Variants in BACH2 observed in about 807,000 individuals in gnomAD.
BACH2 encodes the protein BACH transcriptional regulator 2.
In BACH2, 5 loss-of-function variants were observed where a neutral mutation model predicts 61.8. That is an observed-to-expected ratio of 0.08 (90% confidence interval 0.04 to 0.17). The LOEUF (loss-of-function observed/expected upper bound fraction) is 0.17. BACH2 is among the 10% of genes least tolerant of loss of function. The pLI is 1.00. For missense variants in BACH2, 824 were observed against 1,091.1 expected, an observed-to-expected ratio of 0.76 and a Z score of 3.45; for synonymous variants, 446 against 440.1, an observed-to-expected ratio of 1.01 and a Z score of -0.17.
At chr6:90,206,151 G>C (rs1196030783) in intron 4 of BACH2, among the ~76,000 whole-genome samples, 1 of 152,126 alleles carries the variant, frequency 6.6e-6, no homozygotes, top group African/African-American at 2.4e-5. Context: ...AATCCTATCA[G>C]GTAGGTATCA....
chr6:90,053,463 G>A (rs1780157054), intron 5 of BACH2, among the ~76,000 whole-genome samples: 1 of 151,952 alleles, frequency 6.6e-6, no homozygotes, highest in Non-Finnish European at 1.5e-5. Flanking sequence ...ATTTATTTTT[G>A]TAGAGCTAGG....
intron 4 of BACH2, among the ~76,000 whole-genome samples, chr6:90,098,251 A>T (rs533962319): frequency 6.7e-6 from 1 of 150,150 alleles, no homozygotes; most frequent in East Asian, 2.1e-4. Flanking sequence ...CAGCTCCACA[A>T]TATATTTAGC....
intron 1 of BACH2, among the ~76,000 whole-genome samples, chr6:90,283,984 G>A (rs1771939285): frequency 6.6e-6 from 1 of 151,856 alleles, no homozygotes; most frequent in Non-Finnish European, 1.5e-5. Flanking sequence ...TCCAGCTTGG[G>A]TGACAGGACA....
chr6:90,116,996 G>T, intron 4 of BACH2: 1 of 366,276 alleles, frequency 2.7e-6, no homozygotes, highest in Non-Finnish European at 5.4e-6. Context: ...TCTTTCTCTG[G>T]CACAGATGAA....
At chr6:90,106,403 T>C (rs1782914702) in intron 4 of BACH2, among the ~76,000 whole-genome samples, 1 of 152,242 alleles carries the variant, frequency 6.6e-6, no homozygotes, top group African/African-American at 2.4e-5. Context: ...ACCTTTTCTA[T>C]GTTTAGATAC....
At chr6:89,949,293 A>G (rs932472735) in intron 7 of BACH2, among the ~76,000 whole-genome samples, 1 of 152,164 alleles carries the variant, frequency 6.6e-6, no homozygotes, top group African/African-American at 2.4e-5. Flanking sequence ...GGTTTGTTCA[A>G]TCCCGCTCCT....
intron 4 of BACH2, among the ~76,000 whole-genome samples, chr6:90,145,867 T>A (rs767513180): frequency 1.3e-5 from 2 of 152,180 alleles, no homozygotes; most frequent in Non-Finnish European, 2.9e-5. Context: ...AGAAGGCAGC[T>A]GGGGAGAAAC....
chr6:90,080,840 C>G, intron 5 of BACH2: 1 of 912,704 alleles, frequency 1.1e-6, no homozygotes, highest in Non-Finnish European at 1.3e-6. Flanking sequence ...AGAGCTAACA[C>G]CGTCTTCATG....
intron 5 of BACH2, among the ~76,000 whole-genome samples, chr6:90,041,741 T>C (rs1239877946): frequency 2.0e-5 from 3 of 152,158 alleles, no homozygotes; most frequent in African/African-American, 7.2e-5. Flanking sequence ...ATTTACCTTA[T>C]TTTTATTATT....
chr6:90,236,770 G>A (rs1582517965), intron 3 of BACH2, among the ~76,000 whole-genome samples: 1 of 152,226 alleles, frequency 6.6e-6, no homozygotes, highest in East Asian at 1.9e-4. Context: ...TCTTACTTTA[G>A]CTCACTGTAT....
At chr6:90,220,147 A>G (rs760006436) in intron 3 of BACH2, among the ~76,000 whole-genome samples, 4 of 152,144 alleles carry the variant, frequency 2.6e-5, no homozygotes, top group Non-Finnish European at 5.9e-5. Flanking sequence ...TTTTTTCACA[A>G]TGTTTCCAAA....
intron 6 of BACH2, among the ~76,000 whole-genome samples, chr6:90,006,525 T>C (rs986310239): frequency 2.0e-5 from 3 of 152,230 alleles, no homozygotes; most frequent in Non-Finnish European, 4.4e-5. Context: ...ACCTACTTGC[T>C]AGTGGTATGT....
At chr6:89,969,212 C>G (rs939856020) in intron 6 of BACH2, among the ~76,000 whole-genome samples, 3 of 151,794 alleles carry the variant, frequency 2.0e-5, no homozygotes, top group Admixed American at 1.3e-4. Context: ...TGTCACCACG[C>G]CCAGCTAATT....
At chr6:90,034,811 A>G (rs771648473) in intron 5 of BACH2, among the ~76,000 whole-genome samples, 2 of 152,178 alleles carry the variant, frequency 1.3e-5, no homozygotes, top group Non-Finnish European at 2.9e-5. Context: ...TGGCTTGCCC[A>G]TGCTCTCCTC....
chr6:90,198,066 C>CT (rs1244602361), intron 4 of BACH2, among the ~76,000 whole-genome samples: 7 of 152,204 alleles, frequency 4.6e-5, no homozygotes, highest in African/African-American at 1.7e-4. Context: ...AGGCACACAG[C>CT]TCTGCCTGTT....
intron 3 of BACH2, among the ~76,000 whole-genome samples, chr6:90,241,510 A>G (rs557591048): frequency 1.3e-5 from 2 of 152,356 alleles, no homozygotes; most frequent in African/African-American, 4.8e-5. Context: ...CCTCATCTAC[A>G]AAATGGGAAC....
chr6:89,998,968 G>A (rs999562347), intron 6 of BACH2, among the ~76,000 whole-genome samples: 1 of 152,094 alleles, frequency 6.6e-6, no homozygotes, highest in Non-Finnish European at 1.5e-5. Flanking sequence ...AAGATTATTA[G>A]GTAACTTTAT....
chr6:90,062,362 A>G (rs533627444), intron 5 of BACH2, among the ~76,000 whole-genome samples: 1 of 152,320 alleles, frequency 6.6e-6, no homozygotes, highest in African/African-American at 2.4e-5. Flanking sequence ...TTATGATCTG[A>G]AAGTTGTTTG....
At chr6:90,226,259 C>A (rs1429344620) in intron 3 of BACH2, among the ~76,000 whole-genome samples, 1 of 152,224 alleles carries the variant, frequency 6.6e-6, no homozygotes, top group Non-Finnish European at 1.5e-5. Flanking sequence ...AGGAGCCACA[C>A]AGCCTACATT....
Sources: gnomAD v4.1 joint callset for allele counts (sites outside exome capture counted in the v4.1 genomes callset) on GRCh38, gnomAD v4.1.1 for gene constraint, MANE v1.5 for transcripts, NCBI Gene and HGNC (gene_info 2026-07-23, HGNC 2026-07-21) for gene names.